SLC25A26: variants seen among roughly 807,000 people sequenced by gnomAD.
SLC25A26 encodes solute carrier family 25 member 26, also known as mitochondrial S-adenosylmethionine carrier protein.
SLC25A26 carries 36 observed loss-of-function variants against 37.8 expected under a neutral mutation model. That is an observed-to-expected ratio of 0.95 (90% CI 0.73 to 1.26). The LOEUF is 1.26. SLC25A26 is among the 50% of genes most tolerant of loss of function. The pLI, the probability that SLC25A26 is intolerant of heterozygous loss-of-function variation, is 0.00. For missense variants in SLC25A26, 390 were observed against 331.1 expected (o/e 1.18, Z -1.38); for synonymous variants, 129 against 122.5 (o/e 1.05, Z -0.35).
At chr3:66,323,331 A>T (rs2075746617) in intron 5 of SLC25A26, among the ~76,000 whole-genome samples, 1 of 152,232 alleles carries the variant, frequency 6.6e-6, no homozygotes. Context: ...GTCTTAATTA[A>T]TGTACTGTGT....
chr3:66,152,887 G>A (rs1460566538), intron 1 of SLC25A26, among the ~76,000 whole-genome samples: 1 of 152,110 alleles, frequency 6.6e-6, no homozygotes, highest in South Asian at 2.1e-4. Context: ...CATCCACCTA[G>A]GGCAGTGGTT....
chr3:66,208,743 G>GGTATATATATATACACATTTATATGT (rs2071217128), intron 1 of SLC25A26, among the ~76,000 whole-genome samples: 2 of 104,108 alleles, frequency 1.9e-5, no homozygotes, highest in South Asian at 3.1e-4. Context: ...CATTTATATG[G>GGTATATATATATACACATTTATATGT]GTGTATATAT....
At chr3:66,306,428 T>A (rs2075223944) in intron 5 of SLC25A26, among the ~76,000 whole-genome samples, 1 of 152,238 alleles carries the variant, frequency 6.6e-6, no homozygotes, top group Non-Finnish European at 1.5e-5. Flanking sequence ...GAGAAGTGTC[T>A]TTTCATGTCC....
intron 1 of SLC25A26, among the ~76,000 whole-genome samples, chr3:66,231,761 T>G (rs974178765): frequency 1.2e-5 from 1 of 81,032 alleles, no homozygotes; most frequent in South Asian, 5.8e-4. Context: ...TGGGTTTACC[T>G]CATTTTTTTT....
chr3:66,268,964 C>A (rs1484551540), intron 5 of SLC25A26, among the ~76,000 whole-genome samples: 1 of 152,168 alleles, frequency 6.6e-6, no homozygotes, highest in Non-Finnish European at 1.5e-5. Flanking sequence ...GTGAGCCAAA[C>A]CTCTTTCCTT....
At chr3:66,314,210 A>C (rs779148499) in intron 5 of SLC25A26, among the ~76,000 whole-genome samples, 4 of 152,094 alleles carry the variant, frequency 2.6e-5, no homozygotes, top group South Asian at 2.1e-4. Context: ...TTTCAAAGGG[A>C]ATGCTTCCAC....
intron 1 of SLC25A26, among the ~76,000 whole-genome samples, chr3:66,213,840 G>A (rs2071321336): frequency 6.6e-6 from 1 of 152,110 alleles, no homozygotes; most frequent in Non-Finnish European, 1.5e-5. Flanking sequence ...TGAGGCAGGA[G>A]AATCACTTGA....
At chr3:66,249,730 G>T (rs1680395) in intron 3 of SLC25A26, among the ~76,000 whole-genome samples, 66,464 of 152,112 alleles carry the variant, frequency 0.44, 15,501 homozygotes, top group African/African-American at 0.58. Flanking sequence ...AGTTGTATAA[G>T]TGAGTCGTGG....
rs1180598283 is a variant in SLC25A26, at chr3:66,371,227, C to T, written c.707+625C>T. 2.0e-6 allele frequency: 3 copies of T among 1,525,160 alleles called. No homozygotes were observed. The South Asian group carries it at 3.7e-5, about 19-fold the overall frequency. The allele number at this position is 1,525,160 out of a possible 1,614,324, so 94.5% of individuals were successfully genotyped here. ...GGACCATATACCAGGGATTTTCTTG[C>T]AAGAGCAAAGCAGTGGCCTCCCTTT... On this transcript the variant is annotated intron_variant, in intron 9 of 9. Coordinates refer to ENST00000354883, the MANE Select transcript of SLC25A26 (RefSeq NM_001379210.1).
chr3:66,203,429 C>T (rs1374168549), intron 1 of SLC25A26, among the ~76,000 whole-genome samples: 1 of 151,382 alleles, frequency 6.6e-6, no homozygotes, highest in African/African-American at 2.4e-5. Context: ...TAATAAATTA[C>T]CCTTAAATGC....
At chr3:66,219,870 A>G (rs1464772615), upstream of SLC25A26, among the ~76,000 whole-genome samples, 1 of 152,202 alleles carries the variant, frequency 6.6e-6, no homozygotes, top group African/African-American at 2.4e-5. Flanking sequence ...AGTGACTATC[A>G]TTATCGCCAC....
chr3:66,139,427 T>G (rs2070001011), intron 1 of SLC25A26, among the ~76,000 whole-genome samples: 1 of 152,320 alleles, frequency 6.6e-6, no homozygotes, highest in African/African-American at 2.4e-5. Context: ...TGCAATTTCC[T>G]TTTCCATAAT....
chr3:66,230,739 A>G lies in SLC25A26; in HGVS notation c.34-5805A>G, dbSNP rs575921493. On this transcript the variant is annotated intron_variant, in intron 1 of 9. Transcript: ENST00000354883. ...AGAATCAATTGAACCTGGGAGGTGA[A>G]GGTTGCAGTGAGCCGAGATCGTGCC... Among the ~76,000 whole-genome samples the G allele has an allele frequency of 2.0e-4, 28 of 140,280 alleles. No homozygotes were observed. In the South Asian group the frequency reaches 6.8e-3, roughly 34 times the overall value. 92.0% of individuals were successfully genotyped at this position (140,280 alleles called of 152,430 possible). A position where few individuals can be genotyped will look rare whatever the true frequency, so the allele number is the denominator to read the frequency against.
At position 66,377,838 on chromosome 3, in the gene SLC25A26, C is replaced by G. The variant is rs1173189242; in HGVS notation, c.*31C>G. On this transcript the variant is annotated 3_prime_UTR_variant, in exon 10 of 10. Coordinates refer to ENST00000354883, the MANE Select transcript of SLC25A26 (RefSeq NM_001379210.1). ...AGACAAGCCTCACCTCCACTTCTGTCAAGAGAGGGGCCTGCAGTGCAAACC... is the reference window on the plus strand; with the variant it reads ...AGACAAGCCTCACCTCCACTTCTGTGAAGAGAGGGGCCTGCAGTGCAAACC... 3 of 1,535,656 alleles carry G rather than the reference C, an allele frequency of 2.0e-6. No homozygotes were observed. Among genetic ancestry groups the G allele is most frequent in the Non-Finnish European group, 2.7e-6 (3 of 1,108,778 alleles).
At chr3:66,304,168 A>G (rs1197624440) in intron 5 of SLC25A26, among the ~76,000 whole-genome samples, 2 of 152,152 alleles carry the variant, frequency 1.3e-5, no homozygotes, top group Admixed American at 6.5e-5. Flanking sequence ...ACTTAATTAA[A>G]TCTGCAGAAT....
chr3:66,291,201 C>T (rs752404611), intron 5 of SLC25A26, among the ~76,000 whole-genome samples: 25 of 152,096 alleles, frequency 1.6e-4, no homozygotes, highest in Admixed American at 1.4e-3. Flanking sequence ...TGATTCTTCT[C>T]TCTTTTCTTC....
chr3:66,360,346 C>T (rs2076669368), intron 6 of SLC25A26, among the ~76,000 whole-genome samples: 1 of 152,112 alleles, frequency 6.6e-6, no homozygotes, highest in Non-Finnish European at 1.5e-5. Context: ...TTTGTGGTCA[C>T]TATTGCAATG....
intron 1 of SLC25A26, among the ~76,000 whole-genome samples, chr3:66,215,560 T>A (rs1051245954): frequency 6.6e-6 from 1 of 152,180 alleles, no homozygotes; most frequent in Non-Finnish European, 1.5e-5. Flanking sequence ...GATCAAACAT[T>A]ATTTTCTTCT....
chr3:66,142,552 C>T (rs948622432), intron 1 of SLC25A26, among the ~76,000 whole-genome samples: 4 of 152,190 alleles, frequency 2.6e-5, no homozygotes, highest in South Asian at 2.1e-4. Flanking sequence ...CACAGGAACT[C>T]GGAGAAGAAC....
Sources: gnomAD v4.1 joint callset for allele counts (sites outside exome capture counted in the v4.1 genomes callset) on GRCh38, gnomAD v4.1.1 for gene constraint, MANE v1.5 for transcripts, NCBI Gene and HGNC (gene_info 2026-07-23, HGNC 2026-07-21) for gene names.